The following VPS13B variants were observed in gnomAD, a reference collection of about 807,000 sequenced individuals.
The protein encoded by VPS13B is vacuolar protein sorting 13 homolog B.
In VPS13B, 285 loss-of-function variants were observed where a neutral mutation model predicts 426.4. That is an observed-to-expected ratio of 0.67 (90% CI 0.61 to 0.74). The LOEUF (loss-of-function observed/expected upper bound fraction) is 0.74. VPS13B is among the 30% of genes least tolerant of loss of function. The pLI is 0.00. For synonymous variants in VPS13B, 1,676 were observed against 1,676.4 expected, an observed-to-expected ratio of 1.00 and a Z score of 0.01; for missense variants, 4,537 against 4,782.6, an observed-to-expected ratio of 0.95 and a Z score of 1.51.
intron 33 of VPS13B, among the ~76,000 whole-genome samples, chr8:99,590,044 C>T (rs892867223): frequency 7.2e-5 from 11 of 152,118 alleles, no homozygotes; most frequent in African/African-American, 2.7e-4. Context: ...AGAGATTCAG[C>T]TTCTTCCTGG....
intron 21 of VPS13B, among the ~76,000 whole-genome samples, chr8:99,416,320 G>C (rs1816002882): frequency 6.6e-6 from 1 of 152,226 alleles, no homozygotes; most frequent in Non-Finnish European, 1.5e-5. Context: ...CTGGCAGTAA[G>C]AATTTCAAGC....
chr8:99,065,032 A>G (rs1215329286), intron 3 of VPS13B, among the ~76,000 whole-genome samples: 1 of 152,224 alleles, frequency 6.6e-6, no homozygotes, highest in Non-Finnish European at 1.5e-5. Flanking sequence ...AAGGAGAAAT[A>G]AAATACTTTA....
At chr8:99,272,213 A>G (rs1337695275) in intron 17 of VPS13B, among the ~76,000 whole-genome samples, 1 of 152,188 alleles carries the variant, frequency 6.6e-6, no homozygotes, top group Non-Finnish European at 1.5e-5. Flanking sequence ...ATTTAACCAA[A>G]GTGTGGAAAG....
chr8:99,022,805 A>G (rs1235704090), intron 2 of VPS13B, among the ~76,000 whole-genome samples: 3 of 151,970 alleles, frequency 2.0e-5, no homozygotes, highest in African/African-American at 4.8e-5. Context: ...AGTGTATACA[A>G]ATTTAGTATC....
intron 61 of VPS13B, among the ~76,000 whole-genome samples, chr8:99,872,989 TA>T (rs1817505202): frequency 6.6e-6 from 1 of 152,232 alleles, no homozygotes; most frequent in African/African-American, 2.4e-5. Flanking sequence ...TTTCTGAGAA[TA>T]AACAGAGGTC....
intron 39 of VPS13B, among the ~76,000 whole-genome samples, chr8:99,728,359 A>G (rs988800762): frequency 2.0e-5 from 3 of 152,210 alleles, no homozygotes; most frequent in African/African-American, 7.2e-5. Flanking sequence ...ACAAATGTCT[A>G]TTCTCACTAC....
intron 19 of VPS13B, among the ~76,000 whole-genome samples, chr8:99,286,870 A>C (rs1819469820): frequency 6.6e-6 from 1 of 152,096 alleles, no homozygotes; most frequent in South Asian, 2.1e-4. Flanking sequence ...CCACCGGCAG[A>C]GGGCAGTAAT....
chr8:99,351,433 A>G (rs7002010), intron 19 of VPS13B, among the ~76,000 whole-genome samples: 1 of 143,894 alleles, frequency 6.9e-6, no homozygotes, highest in African/African-American at 2.6e-5. Context: ...AGAGAGAGAG[A>G]GAGTGTGTGT....
At chr8:99,844,468 A>G (rs541689984) in intron 54 of VPS13B, among the ~76,000 whole-genome samples, 253 of 151,704 alleles carry the variant, frequency 1.7e-3, no homozygotes, top group Non-Finnish European at 3.1e-3. Flanking sequence ...CCCGGGTTCA[A>G]GTGATTCTCC....
chr8:99,626,771 C>T (rs1828631117), intron 33 of VPS13B, among the ~76,000 whole-genome samples: 1 of 152,142 alleles, frequency 6.6e-6, no homozygotes, highest in Admixed American at 6.5e-5. Flanking sequence ...TGATCCATTT[C>T]TGAGTATATA....
intron 44 of VPS13B, among the ~76,000 whole-genome samples, chr8:99,815,657 ATG>A (rs34093323): frequency 6.6e-6 from 1 of 151,720 alleles, no homozygotes; most frequent in Non-Finnish European, 1.5e-5. Context: ...TATACTGTGT[ATG>A]TGTGTGTGTG....
At chr8:99,125,928 CT>C (rs554149414) in intron 8 of VPS13B, among the ~76,000 whole-genome samples, 189 of 143,938 alleles carry the variant, frequency 1.3e-3, no homozygotes, top group Middle Eastern at 3.5e-3. Flanking sequence ...GAGCTAAAGA[CT>C]TTTTTTTTTT....
chr8:99,101,708 G>A (rs553465903), intron 4 of VPS13B, among the ~76,000 whole-genome samples: 3 of 152,286 alleles, frequency 2.0e-5, no homozygotes, highest in Admixed American at 2.0e-4. Flanking sequence ...TTTCCTATTT[G>A]CATCATTGGG....
At chr8:99,865,066 G>T (rs1436576259) in intron 58 of VPS13B, among the ~76,000 whole-genome samples, 1 of 152,192 alleles carries the variant, frequency 6.6e-6, no homozygotes, top group Admixed American at 6.5e-5. Flanking sequence ...CACTGCCCCA[G>T]GTCAGCAGGG....
At chr8:99,700,230 T>C (rs1383215678) in intron 36 of VPS13B, among the ~76,000 whole-genome samples, 2 of 152,220 alleles carry the variant, frequency 1.3e-5, no homozygotes, top group East Asian at 1.9e-4. Context: ...AACAACAGTA[T>C]ATCAAGTTTT....
In VPS13B at chr8:99,310,647, T is replaced by A. The variant is rs933020422; in HGVS notation, c.2824+35393T>A. ...CATCAGGGATATTGGTCTAAAATTCTCTTTTTTTGTTGTGTCTATTCCAGT... is the reference window on the plus strand; with the variant it reads ...CATCAGGGATATTGGTCTAAAATTCACTTTTTTTGTTGTGTCTATTCCAGT... On this transcript the variant is annotated intron_variant, in intron 19 of 61. Coordinates refer to ENST00000357162, the MANE Select transcript of VPS13B (RefSeq NM_152564.5). Among the ~76,000 whole-genome samples the A allele has an allele frequency of 2.0e-5, 3 of 152,210 alleles. No homozygotes were observed. The South Asian group carries it at 6.2e-4, about 31-fold the overall frequency.
intron 17 of VPS13B, among the ~76,000 whole-genome samples, chr8:99,252,594 C>T (rs561055528): frequency 1.3e-5 from 2 of 151,818 alleles, no homozygotes; most frequent in African/African-American, 2.4e-5. Flanking sequence ...GCTGATATTC[C>T]GTCTATTTGT....
chr8:99,617,374 G>A (rs1020556984), intron 33 of VPS13B, among the ~76,000 whole-genome samples: 6 of 152,068 alleles, frequency 3.9e-5, no homozygotes, highest in East Asian at 1.9e-4. Context: ...TGTCGCCCAG[G>A]CTACAGTGCA....
intron 31 of VPS13B, among the ~76,000 whole-genome samples, chr8:99,563,942 G>A (rs748366237): frequency 2.0e-5 from 3 of 152,162 alleles, no homozygotes; most frequent in Non-Finnish European, 4.4e-5. Flanking sequence ...TTTCTGAATA[G>A]GTAATATAGA....
Sources: allele counts gnomAD v4.1 joint callset (sites outside exome capture counted in the v4.1 genomes callset), GRCh38; gene constraint gnomAD v4.1.1; transcripts MANE v1.5; gene names NCBI Gene and HGNC (gene_info 2026-07-23, HGNC 2026-07-21).